Variants in TRIM33 observed in about 807,000 individuals in gnomAD.
TRIM33 encodes the protein E3 ubiquitin-protein ligase TRIM33.
In TRIM33, 20 loss-of-function variants were observed where a neutral mutation model predicts 125.4. The ratio of observed to expected loss-of-function variants is 0.16; its 90% confidence interval spans 0.11 to 0.23. The LOEUF is 0.23. TRIM33 is among the 10% of genes least tolerant of loss of function. The pLI is 1.00. For missense variants in TRIM33, 920 were observed against 1,411.4 expected (o/e 0.65, Z 5.58); for synonymous variants, 564 against 513.9 (o/e 1.10, Z -1.32).
chr1:114,477,415 A>C (rs1651044304), intron 1 of TRIM33, among the ~76,000 whole-genome samples: 1 of 152,092 alleles, frequency 6.6e-6, no homozygotes, highest in Non-Finnish European at 1.5e-5. Context: ...CCAAAGAGGC[A>C]ATATACAAAA....
At chr1:114,400,058 G>C (rs1651777220) in intron 17 of TRIM33, among the ~76,000 whole-genome samples, 1 of 152,172 alleles carries the variant, frequency 6.6e-6, no homozygotes, top group South Asian at 2.1e-4. Context: ...TAGTAACAGA[G>C]GAAGTAAGAC....
intron 11 of TRIM33, among the ~76,000 whole-genome samples, chr1:114,414,307 A>C (rs1053539241): frequency 6.6e-6 from 1 of 152,160 alleles, no homozygotes; most frequent in African/African-American, 2.4e-5. Flanking sequence ...CCCTTCAAAA[A>C]TGCTTTCTCA....
At chr1:114,436,816 C>T (rs1333780424) in intron 4 of TRIM33, among the ~76,000 whole-genome samples, 1 of 152,088 alleles carries the variant, frequency 6.6e-6, no homozygotes. Context: ...AAGTTTGTTC[C>T]TTCGTGAAAG....
At chr1:114,434,183 AT>A (rs1424928993) in intron 4 of TRIM33, among the ~76,000 whole-genome samples, 1 of 152,086 alleles carries the variant, frequency 6.6e-6, no homozygotes, top group Non-Finnish European at 1.5e-5. Context: ...TTATTTACTT[AT>A]TTTTTAATAA....
At chr1:114,439,734 C>T (rs894115040) in intron 4 of TRIM33, among the ~76,000 whole-genome samples, 1 of 151,834 alleles carries the variant, frequency 6.6e-6, no homozygotes, top group South Asian at 2.1e-4. Flanking sequence ...GAAGACTACA[C>T]TAAGGTATAT....
intron 14 of TRIM33, among the ~76,000 whole-genome samples, chr1:114,406,147 T>G (rs10489419): frequency 0.043 from 6,601 of 152,260 alleles, 154 homozygotes; most frequent in South Asian, 0.063. Context: ...TCACCTATCA[T>G]TCTACTATAT....
intron 2 of TRIM33, 65 bp from the exon 3 acceptor site, chr1:114,463,621 A>T: frequency 1.9e-6 from 2 of 1,060,502 alleles, no homozygotes; most frequent in Non-Finnish European, 1.4e-6. Context: ...AAAAAAAAAA[A>T]AACTTGTTCT....
intron 1 of TRIM33, among the ~76,000 whole-genome samples, chr1:114,471,308 G>A (rs180958450): frequency 2.6e-5 from 4 of 152,202 alleles, no homozygotes; most frequent in Non-Finnish European, 4.4e-5. Flanking sequence ...GGGTGTGGTG[G>A]CGTGCACCTC....
At chr1:114,467,647 A>G (rs921960250) in intron 1 of TRIM33, among the ~76,000 whole-genome samples, 6 of 152,192 alleles carry the variant, frequency 3.9e-5, no homozygotes, top group Non-Finnish European at 8.8e-5. Context: ...ACACAAATAC[A>G]TACCTGTCTG....
intron 11 of TRIM33, among the ~76,000 whole-genome samples, chr1:114,411,258 T>G (rs976935024): frequency 3.3e-5 from 5 of 152,108 alleles, no homozygotes; most frequent in Admixed American, 3.3e-4. Flanking sequence ...TTGCCCAGAT[T>G]GGTCTCCAAC....
At chr1:114,494,991 G>A (rs1009768022) in intron 1 of TRIM33, among the ~76,000 whole-genome samples, 8 of 152,086 alleles carry the variant, frequency 5.3e-5, no homozygotes, top group Admixed American at 3.3e-4. Context: ...TCGGCTCACT[G>A]CAACCTCCAC....
chr1:114,479,900 G>A (rs1016067609), intron 1 of TRIM33, among the ~76,000 whole-genome samples: 3 of 152,082 alleles, frequency 2.0e-5, no homozygotes, highest in Non-Finnish European at 4.4e-5. Flanking sequence ...CCATCCGGAA[G>A]GTGGGGGCGC....
chr1:114,472,591 A>G (rs1472764873), intron 1 of TRIM33, among the ~76,000 whole-genome samples: 1 of 152,112 alleles, frequency 6.6e-6, no homozygotes, highest in East Asian at 1.9e-4. Flanking sequence ...TTAGCCAGGC[A>G]TGGTGGTACC....
chr1:114,399,526 G>A lies in TRIM33; in HGVS notation c.3051C>T (p.His1017=). The A allele has an allele frequency of 1.2e-6, 2 of 1,613,476 alleles. No individual in the cohort carries two copies. Among genetic ancestry groups the A allele is most frequent in the Non-Finnish European group, 1.7e-6 (2 of 1,179,600 alleles). Reference sequence around the variant, plus strand: ...CCACAAAGTCATCCGGGATTTGGTAGTGTTGGGAATGTTTTTTCTGAAGCT... The same window carrying A: ...CCACAAAGTCATCCGGGATTTGGTAATGTTGGGAATGTTTTTTCTGAAGCT... ...KKKLQKKHSQ[H]YQIPDDFVAD... Residue 1017 remains histidine, a synonymous_variant, in exon 18 of 20, where the codon CAC becomes CAT. Transcript: ENST00000358465.
At chr1:114,480,450 C>T (rs1445805210) in intron 1 of TRIM33, among the ~76,000 whole-genome samples, 3 of 132,710 alleles carry the variant, frequency 2.3e-5, no homozygotes, top group African/African-American at 5.8e-5. Context: ...TCCCCCTCTG[C>T]GAGAAACACC....
intron 1 of TRIM33, among the ~76,000 whole-genome samples, chr1:114,489,259 C>T (rs757805294): frequency 8.5e-5 from 13 of 152,258 alleles, no homozygotes; most frequent in Middle Eastern, 6.8e-3. Flanking sequence ...TAGATCTTTA[C>T]CTCACAAACA....
In TRIM33 at chr1:114,430,873, C is replaced by T; in HGVS notation, c.1080G>A (p.Gln360=). The T allele has an allele frequency of 6.2e-7, 1 of 1,609,344 alleles. No homozygotes were observed. Among genetic ancestry groups the T allele is most frequent in the Admixed American group, 1.7e-5 (1 of 59,990 alleles). The part of the protein sequence containing the change: ...EVNETNKRVE[Q]EIKVAIFTLI... ...GGGTGAAAATGGCCACTTTAATTTC[C>T]TGTTCTACTCGTTTGTTAGTCTCAT... The change falls in exon 6 of 20, where the codon CAG becomes CAA. Residue 360 remains glutamine, a synonymous_variant. Transcript: ENST00000358465.
At chr1:114,411,511 T>C (rs1022536032) in intron 11 of TRIM33, among the ~76,000 whole-genome samples, 3 of 152,042 alleles carry the variant, frequency 2.0e-5, no homozygotes, top group South Asian at 2.1e-4. Flanking sequence ...ACAGGAAGAT[T>C]TGTTATGAGG....
intron 1 of TRIM33, among the ~76,000 whole-genome samples, chr1:114,488,493 G>C (rs1368691879): frequency 6.6e-6 from 1 of 152,188 alleles, no homozygotes; most frequent in Non-Finnish European, 1.5e-5. Context: ...GCCAGGCACA[G>C]TGGCTCACAC....
Sources: gnomAD v4.1 joint callset for allele counts (sites outside exome capture counted in the v4.1 genomes callset) on GRCh38, gnomAD v4.1.1 for gene constraint, MANE v1.5 for transcripts, NCBI Gene and HGNC (gene_info 2026-07-23, HGNC 2026-07-21) for gene names.